BRAF: variants seen among roughly 807,000 people sequenced by gnomAD.
BRAF encodes the protein B-Raf proto-oncogene, serine/threonine kinase, also known as serine/threonine-protein kinase B-raf.
Under a neutral mutation model 104.6 loss-of-function variants are expected in BRAF, and 16 were observed. The ratio of observed to expected loss-of-function variants is 0.15; its 90% CI spans 0.10 to 0.23. The LOEUF (loss-of-function observed/expected upper bound fraction) is 0.23. Among genes scored for constraint, BRAF ranks in the 10% least tolerant of loss-of-function variants. The probability of loss-of-function intolerance (pLI) is 1.00; values close to 1 mark genes in which losing one functional copy is unlikely to be tolerated. For synonymous variants in BRAF, 310 were observed against 341.6 expected (o/e 0.91, Z 1.02); for missense variants, 541 against 937.3 (o/e 0.58, Z 5.52).
intron 1 of BRAF, among the ~76,000 whole-genome samples, chr7:140,874,499 CT>C (rs1310584016): frequency 7.4e-6 from 1 of 135,656 alleles, no homozygotes; most frequent in Non-Finnish European, 1.6e-5. Flanking sequence ...CGCGACTGGC[CT>C]AAAAAAAGTT....
intron 16 of BRAF, among the ~76,000 whole-genome samples, chr7:140,752,163 C>CA (rs893545093): frequency 2.0e-5 from 3 of 151,746 alleles, no homozygotes; most frequent in Admixed American, 6.6e-5. Context: ...TAACTATTAT[C>CA]AAAAAAAAGT....
intron 2 of BRAF, among the ~76,000 whole-genome samples, chr7:140,843,490 G>T (rs1157279252): frequency 6.6e-6 from 1 of 152,136 alleles, no homozygotes; most frequent in Non-Finnish European, 1.5e-5. Context: ...TTCTTGAAGG[G>T]TTCTGTTTCT....
In BRAF at chr7:140,725,995, C is replaced by A; in HGVS notation, c.*499G>T. The A allele has an allele frequency of 9.4e-7, 1 of 1,067,552 alleles. No individual in the cohort carries two copies. The highest frequency in any genetic ancestry group is 1.1e-6 in the Non-Finnish European group (1 of 880,986). The allele number at this position is 1,067,552 out of a possible 1,614,324, so 66.1% of individuals were successfully genotyped here. ...GGGCAAGCTGCATTTTTGTTCCATC[C>A]CTCAGAAACTAACTGGTGGTCACTA... On this transcript the variant is annotated 3_prime_UTR_variant, in exon 20 of 20. Coordinates refer to ENST00000644969, the MANE Select transcript of BRAF (RefSeq NM_001374258.1).
At chr7:140,758,461 CT>C (rs958010431) in intron 14 of BRAF, among the ~76,000 whole-genome samples, 9 of 148,654 alleles carry the variant, frequency 6.1e-5, no homozygotes, top group Admixed American at 2.0e-4. Context: ...GTTTCCTTCA[CT>C]TTTTTTTTTG....
intron 1 of BRAF, among the ~76,000 whole-genome samples, chr7:140,869,196 A>T (rs889787369): frequency 2.0e-5 from 3 of 152,226 alleles, no homozygotes; most frequent in Non-Finnish European, 4.4e-5. Flanking sequence ...GAAATCAAGT[A>T]AGAGATGTGG....
chr7:140,898,496 A>G (rs1177326485), intron 1 of BRAF, among the ~76,000 whole-genome samples: 5 of 152,268 alleles, frequency 3.3e-5, no homozygotes, highest in Non-Finnish European at 5.9e-5. Context: ...AAAGGCTAAC[A>G]TATGAAAACA....
At position 140,723,566 on chromosome 7, in the gene BRAF, AT is replaced by A. The variant is rs1017370862; in HGVS notation, c.*2927del. 6.7e-6 allele frequency: 7 copies of A among 1,048,312 alleles called. No homozygotes were observed. Among genetic ancestry groups the A allele is most frequent in the South Asian group, 4.6e-5 (1 of 21,820 alleles). 64.9% of individuals were successfully genotyped at this position (1,048,312 alleles called of 1,614,324 possible). On this transcript the variant is annotated 3_prime_UTR_variant, in exon 20 of 20. Coordinates refer to ENST00000644969, the MANE Select transcript of BRAF (RefSeq NM_001374258.1). ...TATTCACAAATCCCTTTTATAAACT[AT>A]TTTTTTGGTCAATATTATTTCAGTG...
At chr7:140,868,183 T>C (rs915525067) in intron 1 of BRAF, among the ~76,000 whole-genome samples, 1 of 152,178 alleles carries the variant, frequency 6.6e-6, no homozygotes, top group African/African-American at 2.4e-5. Flanking sequence ...GTGGTTGTTT[T>C]AAGCACTATG....
At chr7:140,791,475 G>A (rs1009572003) in intron 8 of BRAF, among the ~76,000 whole-genome samples, 4 of 152,244 alleles carry the variant, frequency 2.6e-5, no homozygotes, top group African/African-American at 9.6e-5. Context: ...GAGACAGAGA[G>A]TCTCTGCCTG....
intron 1 of BRAF, among the ~76,000 whole-genome samples, chr7:140,859,685 ATTTTTTT>A (rs60932962): frequency 3.0e-5 from 4 of 131,664 alleles, no homozygotes; most frequent in Admixed American, 2.3e-4. Flanking sequence ...CTGATTGTAA[ATTTTTTT>A]TTTTTTTTTT....
intron 1 of BRAF, among the ~76,000 whole-genome samples, chr7:140,885,393 T>C (rs1458623307): frequency 6.6e-6 from 1 of 152,160 alleles, no homozygotes. Flanking sequence ...CCACCTTCTG[T>C]ATTCAATTTG....
At chr7:140,734,336 A>G in intron 19 of BRAF, 1 of 1,311,364 alleles carries the variant, frequency 7.6e-7, no homozygotes. Flanking sequence ...ACAAACCCGG[A>G]ACAGAAAGTA....
chr7:140,745,656 C>T (rs1051226962), intron 17 of BRAF, among the ~76,000 whole-genome samples: 1 of 152,284 alleles, frequency 6.6e-6, no homozygotes, highest in African/African-American at 2.4e-5. Flanking sequence ...GAGCTCATGT[C>T]TGCTCATTTT....
chr7:140,822,889 C>T (rs568977455), intron 3 of BRAF, among the ~76,000 whole-genome samples: 1 of 152,276 alleles, frequency 6.6e-6, no homozygotes, highest in African/African-American at 2.4e-5. Context: ...CAATGGTGCA[C>T]ATAGCACAAT....
In BRAF at chr7:140,724,198, C is replaced by T. The variant is rs1041784416; in HGVS notation, c.*2296G>A. On this transcript the variant is annotated 3_prime_UTR_variant, in exon 20 of 20. Transcript: ENST00000644969. The stretch of plus-strand genomic sequence containing the variant: ...TGCTAAGCTTCCTCCCTAATGGTAC[C>T]GCCCCTGCCCCTGCCCCACGGAGGC... 8.3e-5 allele frequency: 88 copies of T among 1,056,546 alleles called. No individual in the cohort carries two copies. The highest frequency in any genetic ancestry group is 9.5e-5 in the Non-Finnish European group (83 of 873,934). 65.4% of individuals were successfully genotyped at this position (1,056,546 alleles called of 1,614,324 possible). A position where few individuals can be genotyped will look rare whatever the true frequency, so the allele number is the denominator to read the frequency against.
In BRAF at chr7:140,834,700, A is replaced by G. The variant is rs1339350570; in HGVS notation, c.413T>C (p.Phe138Ser). Reference sequence around the variant, plus strand: ...CCGTGCCACATCTGTGGGATTTTGAAAAACTGAAAGAGATGAAGGTAGCAC... The same window carrying G: ...CCGTGCCACATCTGTGGGATTTTGAGAAACTGAAAGAGATGAAGGTAGCAC... ...LSVLPSSLSV[F>S]QNPTDVARSN... Residue 138 changes from phenylalanine to serine, a missense_variant, in exon 3 of 20, where the codon TTT becomes TCT. By Grantham distance (155) the Phe-to-Ser change is radical (BLOSUM62 -2). Transcript: ENST00000644969. 1 of 1,614,190 alleles carries G rather than the reference A, an allele frequency of 6.2e-7. No homozygotes were observed. The highest frequency in any genetic ancestry group is 8.5e-7 in the Non-Finnish European group (1 of 1,180,018).
chr7:140,828,578 T>C (rs1417221995), intron 3 of BRAF, among the ~76,000 whole-genome samples: 2 of 152,222 alleles, frequency 1.3e-5, no homozygotes, highest in Non-Finnish European at 2.9e-5. Context: ...TTCTCAATTA[T>C]AATACCTCTC....
chr7:140,722,826 G>C lies in BRAF; in HGVS notation c.*3668C>G. 9.5e-7 allele frequency: 1 copy of C among 1,052,650 alleles called. No individual in the cohort carries two copies. Among genetic ancestry groups the C allele is most frequent in the South Asian group, 4.6e-5 (1 of 21,852 alleles). 65.2% of individuals were successfully genotyped at this position (1,052,650 alleles called of 1,614,324 possible). On this transcript the variant is annotated 3_prime_UTR_variant, in exon 20 of 20. Coordinates refer to ENST00000644969, the MANE Select transcript of BRAF (RefSeq NM_001374258.1). ...CACAGCTATTTAATTTCATGCAATT[G>C]ACTCAAGGTTAAGATTCTGAAACGT...
At chr7:140,912,259 G>C (rs527410734) in intron 1 of BRAF, among the ~76,000 whole-genome samples, 1 of 152,060 alleles carries the variant, frequency 6.6e-6, no homozygotes, top group South Asian at 2.1e-4. Flanking sequence ...CCTCATTCTC[G>C]GCTGATAACC....
Sources: gnomAD v4.1 joint callset for allele counts (sites outside exome capture counted in the v4.1 genomes callset) on GRCh38, gnomAD v4.1.1 for gene constraint, MANE v1.5 for transcripts, NCBI Gene and HGNC (gene_info 2026-07-23, HGNC 2026-07-21) for gene names.